RFX8: variants seen among roughly 807,000 people sequenced by gnomAD.
RFX8 encodes the protein DNA-binding protein RFX8.
Under a neutral mutation model 54.6 loss-of-function variants are expected in RFX8, and 46 were observed. The ratio of observed to expected loss-of-function variants is 0.84; its 90% CI spans 0.67 to 1.08. RFX8 has a LOEUF of 1.08. Ranked by LOEUF, RFX8 falls within the 50% of genes least tolerant of loss-of-function variation. The probability of loss-of-function intolerance (pLI) is 0.00; values close to 1 mark genes in which losing one functional copy is unlikely to be tolerated. For missense variants in RFX8, 536 were observed against 562.3 expected, an observed-to-expected ratio of 0.95 and a Z score of 0.47; for synonymous variants, 192 against 209.5, an observed-to-expected ratio of 0.92 and a Z score of 0.72.
intron 5 of RFX8, 145 bp downstream of exon 5, chr2:101,418,706 C>G: frequency 1.6e-6 from 1 of 639,444 alleles, no homozygotes. Context: ...AGGCAGAGAT[C>G]AGAGGGCTCC....
chr2:101,464,718 T>TA (rs1558892170), intron 2 of RFX8, among the ~76,000 whole-genome samples: 1 of 152,196 alleles, frequency 6.6e-6, no homozygotes, highest in Admixed American at 6.5e-5. Flanking sequence ...AGTATTGAGA[T>TA]AAAAAATGCC....
chr2:101,417,614 A>G lies in RFX8; in HGVS notation c.422T>C (p.Leu141Ser). Residue 141 changes from leucine to serine, a missense_variant, in exon 6 of 12, where the codon TTA becomes TCA. Coordinates refer to ENST00000428343, the MANE Select transcript of RFX8 (RefSeq NM_001145664.2). ...CCACAGCTTAAATTTCTTACTAAAT[A>G]ACTGCACAGATTTCAGGTACTGAAT... ...VSIQYLKSVQ[L>S]FSKKFKLWLL... 1 of 1,551,656 alleles carries G rather than the reference A, an allele frequency of 6.4e-7. No homozygotes were observed. Among genetic ancestry groups the G allele is most frequent in the Non-Finnish European group, 8.7e-7 (1 of 1,146,846 alleles).
intron 2 of RFX8, among the ~76,000 whole-genome samples, chr2:101,449,722 G>A (rs1237313125): frequency 1.3e-5 from 2 of 152,116 alleles, no homozygotes; most frequent in African/African-American, 4.8e-5. Flanking sequence ...CCAGTGAGAA[G>A]GATTCAGGAG....
chr2:101,424,778 A>T (rs1326334105), intron 2 of RFX8, among the ~76,000 whole-genome samples: 2 of 152,206 alleles, frequency 1.3e-5, no homozygotes, highest in African/African-American at 4.8e-5. Context: ...AGAAAACCAA[A>T]CACTGCATGT....
intron 2 of RFX8, among the ~76,000 whole-genome samples, chr2:101,463,542 G>A (rs546538158): frequency 3.3e-5 from 5 of 152,320 alleles, no homozygotes; most frequent in East Asian, 1.9e-4. Flanking sequence ...TCTGCCTTGC[G>A]AGGCCCCCTG....
intron 2 of RFX8, among the ~76,000 whole-genome samples, chr2:101,462,229 A>G (rs1459332738): frequency 2.0e-5 from 3 of 152,164 alleles, no homozygotes; most frequent in Non-Finnish European, 4.4e-5. Context: ...GGGGTCCAAG[A>G]CCAGCCTGGG....
At chr2:101,431,777 C>A (rs1231588150) in intron 2 of RFX8, among the ~76,000 whole-genome samples, 1 of 152,138 alleles carries the variant, frequency 6.6e-6, no homozygotes, top group Non-Finnish European at 1.5e-5. Flanking sequence ...CTGTTCAATG[C>A]AGAATATGGG....
Position 101,414,028 on chromosome 2 carries a change from C to T in RFX8, c.561+826G>A, listed in dbSNP as rs115145705. On this transcript the variant is annotated intron_variant, in intron 7 of 11. Transcript: ENST00000428343. ...TTGAGAGAGGACTCCTGGTAGCCCA[C>T]GAGCCGGGTGCCAGCATCATAGAAT... 6.3e-3 allele frequency among the ~76,000 whole-genome samples: 964 copies of T among 152,286 alleles called. 10 individuals carry two copies. The highest frequency in any genetic ancestry group is 0.022 in the African/African-American group (901 of 41,564).
At chr2:101,456,680 T>G (rs1558884924) in intron 2 of RFX8, among the ~76,000 whole-genome samples, 1 of 152,188 alleles carries the variant, frequency 6.6e-6, no homozygotes, top group Non-Finnish European at 1.5e-5. Flanking sequence ...TCTCTTTTTT[T>G]TTGTTATGTC....
chr2:101,402,828 T>C lies in RFX8; in HGVS notation c.929-76A>G, dbSNP rs145321928. On this transcript the variant is annotated intron_variant, in intron 10 of 11. Coordinates refer to ENST00000428343, the MANE Select transcript of RFX8 (RefSeq NM_001145664.2). Reference sequence around the variant, plus strand: ...AACAAATCATTGTGAAACTAACAACTTTTCTGGGGCTAACACCTGTGTACG... The same window carrying C: ...AACAAATCATTGTGAAACTAACAACCTTTCTGGGGCTAACACCTGTGTACG... 6 of 1,330,124 alleles carry C rather than the reference T, an allele frequency of 4.5e-6. 1 individual carries two copies. In the East Asian group the frequency reaches 1.5e-4, roughly 33 times the overall value. The allele number at this position is 1,330,124 out of a possible 1,614,324, so 82.4% of individuals were successfully genotyped here.
At chr2:101,419,020 A>G (rs1045493598) in intron 4 of RFX8, 56 bp from the exon 5 acceptor site, 1 of 823,620 alleles carries the variant, frequency 1.2e-6, no homozygotes, top group Non-Finnish European at 2.0e-6. Flanking sequence ...CGCAAGACTA[A>G]CCCCCCGCCA....
chr2:101,398,995 T>C (rs567174795), intron 11 of RFX8, among the ~76,000 whole-genome samples: 1 of 152,344 alleles, frequency 6.6e-6, no homozygotes, highest in South Asian at 2.1e-4. Flanking sequence ...TTTGTTTTGC[T>C]CTGCTGTAAT....
At chr2:101,435,578 A>G (rs1318228903) in intron 2 of RFX8, among the ~76,000 whole-genome samples, 1 of 152,122 alleles carries the variant, frequency 6.6e-6, no homozygotes, top group African/African-American at 2.4e-5. Flanking sequence ...ATACACACAC[A>G]CATTCTCCAC....
At chr2:101,439,641 G>T (rs6543060) in intron 2 of RFX8, among the ~76,000 whole-genome samples, 110,680 of 146,698 alleles carry the variant, frequency 0.75, 42,710 homozygotes, top group Middle Eastern at 0.88. Context: ...TCCAGCACCA[G>T]TTGTTGAAAA....
In RFX8 at chr2:101,414,891, C is replaced by CT; in HGVS notation, c.523dup (p.Arg175LysfsTer13). 1 of 1,550,454 alleles carries CT rather than the reference C, an allele frequency of 6.4e-7. No homozygotes were observed. The highest frequency in any genetic ancestry group is 1.2e-5 in the South Asian group (1 of 84,046). On this transcript the variant is annotated frameshift_variant, in exon 7 of 12. Coordinates refer to ENST00000428343, the MANE Select transcript of RFX8 (RefSeq NM_001145664.2). LOFTEE classifies it high-confidence loss of function. ...GGAAAGGTACGTCTTTCTTCTTAGTCTTTTGACAAATAGAGTAACTTCTGT... is the reference window on the plus strand; with the variant it reads ...GGAAAGGTACGTCTTTCTTCTTAGTCTTTTTGACAAATAGAGTAACTTCTGT...
chr2:101,427,046 T>C (rs909831606), intron 2 of RFX8, among the ~76,000 whole-genome samples: 13 of 152,154 alleles, frequency 8.5e-5, no homozygotes, highest in African/African-American at 3.1e-4. Context: ...CACGCTGGGT[T>C]CCACACACGT....
At chr2:101,467,482 A>G (rs146678306) in intron 1 of RFX8, among the ~76,000 whole-genome samples, 26 of 152,282 alleles carry the variant, frequency 1.7e-4, no homozygotes, top group Non-Finnish European at 3.2e-4. Context: ...AATTGCAATG[A>G]GGTGTAAAAT....
intron 2 of RFX8, among the ~76,000 whole-genome samples, chr2:101,437,500 C>G (rs1351621374): frequency 6.6e-6 from 1 of 151,846 alleles, no homozygotes; most frequent in Non-Finnish European, 1.5e-5. Context: ...ATCATTTGAG[C>G]CTAGGCGGTC....
intron 4 of RFX8, among the ~76,000 whole-genome samples, chr2:101,420,937 T>C (rs1202733557): frequency 6.6e-6 from 1 of 152,196 alleles, no homozygotes; most frequent in Non-Finnish European, 1.5e-5. Context: ...ACGGTGTCGG[T>C]CACAGGGTAG....
Sources: gnomAD v4.1 joint callset for allele counts (sites outside exome capture counted in the v4.1 genomes callset) on GRCh38, gnomAD v4.1.1 for gene constraint, MANE v1.5 for transcripts, NCBI Gene and HGNC (gene_info 2026-07-23, HGNC 2026-07-21) for gene names.